VDAC3: variants seen among roughly 807,000 people sequenced by gnomAD.
The protein encoded by VDAC3 is voltage dependent anion channel 3, also known as non-selective voltage-gated ion channel VDAC3.
Under a neutral mutation model 33.9 loss-of-function variants are expected in VDAC3, and 7 were observed. That is an observed-to-expected ratio of 0.21 (90% confidence interval 0.12 to 0.39). VDAC3 has a LOEUF of 0.39. Among genes scored for constraint, VDAC3 ranks in the 10% least tolerant of loss-of-function variants. VDAC3 has a pLI of 1.00. For synonymous variants in VDAC3, 100 were observed against 122.4 expected (o/e 0.82, Z 1.21); for missense variants, 261 against 334.5 (o/e 0.78, Z 1.71).
chr8:42,399,681 A>G lies in VDAC3; in HGVS notation c.301A>G (p.Thr101Ala). 6.2e-7 allele frequency: 1 copy of G among 1,612,084 alleles called. No homozygotes were observed. The highest frequency in any genetic ancestry group is 8.5e-7 in the Non-Finnish European group (1 of 1,178,844). Residue 101 changes from threonine to alanine, a missense_variant, in exon 6 of 10, where the codon ACC becomes GCC. By Grantham distance (58) the Thr-to-Ala change is moderately conservative. Coordinates refer to ENST00000022615, the MANE Select transcript of VDAC3 (RefSeq NM_005662.7). ...LAEGLKLTLD[T>A]IFVPNTGKKS... ...TGAAGGGTTGAAACTGACTCTTGAT[A>G]CCATATTTGTACCGAACACAGGGTA... is the stretch of plus-strand genomic sequence containing the variant.
In VDAC3 at chr8:42,404,919, G is replaced by A. The variant is rs1464372141; in HGVS notation, c.755G>A (p.Arg252Gln). 5.0e-6 allele frequency: 8 copies of A among 1,613,394 alleles called. No individual in the cohort carries two copies. Among genetic ancestry groups the A allele is most frequent in the East Asian group, 4.5e-5 (2 of 44,858 alleles). ...LIGLGYTQTL[R>Q]PGVKLTLSAL... Reference sequence around the variant, plus strand: ...GGACTGGGTTATACTCAGACCCTTCGACCAGGTAAGTAAAGGAATTAGTAA... The same window carrying A: ...GGACTGGGTTATACTCAGACCCTTCAACCAGGTAAGTAAAGGAATTAGTAA... Residue 252 changes from arginine (R) to glutamine (Q), a missense_variant, in exon 9 of 10, where the codon CGA becomes CAA. By Grantham distance (43) the Arg-to-Gln change is conservative (BLOSUM62 1). Transcript: ENST00000022615.
At chr8:42,396,542 A>G (rs1802321190) in intron 4 of VDAC3, 3 of 633,374 alleles carry the variant, frequency 4.7e-6, no homozygotes, top group Admixed American at 2.9e-5. Flanking sequence ...CTGTGTATAT[A>G]GTTCTGTTAA....
intron 3 of VDAC3, 142 bp downstream of exon 3, chr8:42,394,420 C>T: frequency 1.4e-6 from 1 of 705,820 alleles, no homozygotes; most frequent in East Asian, 2.7e-5. Context: ...TATTAACAGG[C>T]TATTAGACCT....
intron 6 of VDAC3, among the ~76,000 whole-genome samples, chr8:42,400,683 T>C (rs1396823415): frequency 7.0e-6 from 1 of 143,444 alleles, no homozygotes. Context: ...CTTTTTTTTT[T>C]TTTTTTTTTT....
chr8:42,403,923 GTTC>G (rs1802457558), intron 8 of VDAC3, among the ~76,000 whole-genome samples: 1 of 151,644 alleles, frequency 6.6e-6, no homozygotes, highest in African/African-American at 2.4e-5. Context: ...GGAAATAGGG[GTTC>G]TTCTAGTCCT....
intron 2 of VDAC3, 43 bp from the exon 3 acceptor site, chr8:42,394,167 T>C: frequency 6.4e-7 from 1 of 1,551,824 alleles, no homozygotes; most frequent in Non-Finnish European, 8.9e-7. Context: ...GAATAAATAC[T>C]AAATGGTTAT....
intron 2 of VDAC3, 49 bp downstream of exon 2, chr8:42,393,933 T>C (rs765732505): frequency 6.6e-6 from 3 of 454,112 alleles, no homozygotes; most frequent in Non-Finnish European, 1.2e-5. Flanking sequence ...ACATAGCATC[T>C]TTTTCATCCT....
Position 42,398,742 on chromosome 8 carries a change from G to T in VDAC3, c.148G>T (p.Asp50Tyr), listed in dbSNP as rs748617160. 1 of 1,613,844 alleles carries T rather than the reference G, an allele frequency of 6.2e-7. No individual in the cohort carries two copies. Among genetic ancestry groups the T allele is most frequent in the Admixed American group, 1.7e-5 (1 of 59,990 alleles). The stretch of plus-strand genomic sequence containing the variant: ...TTCTACTTCTGGTCATGCTTACACT[G>T]ATACAGGGAAAGCATCAGGCAACCT... Reference protein sequence around the residue: ...EFSTSGHAYTDTGKASGNLET... With the variant: ...EFSTSGHAYTYTGKASGNLET... The change falls in exon 5 of 10, where the codon GAT becomes TAT. Residue 50 changes from aspartate (D) to tyrosine (Y), a missense_variant. By Grantham distance (160) the Asp-to-Tyr change is radical. Coordinates refer to ENST00000022615, the MANE Select transcript of VDAC3 (RefSeq NM_005662.7).
intron 4 of VDAC3, among the ~76,000 whole-genome samples, chr8:42,396,183 A>C (rs1025524691): frequency 3.3e-5 from 5 of 152,140 alleles, no homozygotes; most frequent in Non-Finnish European, 7.4e-5. Flanking sequence ...GCATGAACCC[A>C]GGAGGCAGAG....
chr8:42,396,581 G>C, intron 4 of VDAC3: 1 of 664,396 alleles, frequency 1.5e-6, no homozygotes, highest in South Asian at 1.7e-5. Context: ...ATTTTGTGTA[G>C]GTTCCAGAAT....
At chr8:42,403,877 CAAAAAAA>C (rs56769990) in intron 8 of VDAC3, among the ~76,000 whole-genome samples, 1 of 88,798 alleles carries the variant, frequency 1.1e-5, no homozygotes, top group Non-Finnish European at 2.5e-5. Flanking sequence ...GAGCCTATCT[CAAAAAAA>C]AAAAAAAAAA....
At chr8:42,395,254 C>G in intron 4 of VDAC3, 121 bp downstream of exon 4, 1 of 1,443,566 alleles carries the variant, frequency 6.9e-7, no homozygotes, top group Non-Finnish European at 9.3e-7. Context: ...GCTTTGTCCT[C>G]TCAGATTTTA....
intron 5 of VDAC3, among the ~76,000 whole-genome samples, chr8:42,399,178 A>T (rs1458904971): frequency 6.6e-6 from 1 of 152,188 alleles, no homozygotes; most frequent in East Asian, 1.9e-4. Flanking sequence ...TGACAGAAAA[A>T]TTTTTCTAAA....
At chr8:42,401,546 G>A (rs1256485794) in intron 6 of VDAC3, among the ~76,000 whole-genome samples, 1 of 152,188 alleles carries the variant, frequency 6.6e-6, no homozygotes, top group Non-Finnish European at 1.5e-5. Context: ...AAATCATGAA[G>A]TATCCTATCA....
chr8:42,395,466 T>G (rs1398915992), intron 4 of VDAC3, among the ~76,000 whole-genome samples: 5 of 152,262 alleles, frequency 3.3e-5, no homozygotes, highest in African/African-American at 1.2e-4. Context: ...CATGGAAATT[T>G]TATTACCCTT....
rs1385135660 is a variant in VDAC3 at position 42,394,251 on chromosome 8, G to A, written c.40G>A (p.Ala14Thr). 1 of 1,613,478 alleles carries A rather than the reference G, an allele frequency of 6.2e-7. No individual in the cohort carries two copies. Among genetic ancestry groups the A allele is most frequent in the Non-Finnish European group, 8.5e-7 (1 of 1,179,702 alleles). The change falls in exon 3 of 10, where the codon GCT becomes ACT. Residue 14 changes from alanine to threonine, a missense_variant. Physicochemically the swap from Ala to Thr is moderately conservative, Grantham distance 58. Transcript: ENST00000022615. ...TPTYCDLGKA[A>T]KDVFNKGYGF... ...AACGTACTGTGACCTAGGAAAGGCT[G>A]CTAAGGATGTCTTCAACAAAGGATA... is the stretch of plus-strand genomic sequence containing the variant.
Position 42,395,142 on chromosome 8 carries a change from C to T in VDAC3, c.117+9C>T. 1 of 1,613,646 alleles carries T rather than the reference C, an allele frequency of 6.2e-7. No homozygotes were observed. The highest frequency in any genetic ancestry group is 8.5e-7 in the Non-Finnish European group (1 of 1,179,838). On this transcript the variant is annotated intron_variant, in intron 4 of 9. Coordinates refer to ENST00000022615, the MANE Select transcript of VDAC3 (RefSeq NM_005662.7). ...AGTCTTGTAGTGGAGTGGTGAGTATCTAATATATTTTTAATGAATGTAACA... is the reference window on the plus strand; with the variant it reads ...AGTCTTGTAGTGGAGTGGTGAGTATTTAATATATTTTTAATGAATGTAACA...
At position 42,391,936 on chromosome 8, in the gene VDAC3, G is replaced by C. The variant is rs950787080; in HGVS notation, c.-43+8G>C. 6.6e-6 allele frequency: 1 copy of C among 152,374 alleles called. No homozygotes were observed. Among genetic ancestry groups the C allele is most frequent in the East Asian group, 1.9e-4 (1 of 5,200 alleles). 9.4% of individuals were successfully genotyped at this position (152,374 alleles called of 1,614,324 possible). ...CAGGCCCTCGGGGTGGAGGTGAGGAGAGCTGAGGCCGCGCGGGCTCCAGTC... is the reference window on the plus strand; with the variant it reads ...CAGGCCCTCGGGGTGGAGGTGAGGACAGCTGAGGCCGCGCGGGCTCCAGTC... On this transcript the variant is annotated splice_region_variant and intron_variant, in intron 1 of 9. Coordinates refer to ENST00000022615, the MANE Select transcript of VDAC3 (RefSeq NM_005662.7).
chr8:42,405,269 C>A, intron 9 of VDAC3, 102 bp from the exon 10 acceptor site: 4 of 922,966 alleles, frequency 4.3e-6, no homozygotes, highest in Non-Finnish European at 6.8e-6. Context: ...GCTCGTATAC[C>A]CAGCTACAAT....
Sources: gnomAD v4.1 joint callset for allele counts (sites outside exome capture counted in the v4.1 genomes callset) on GRCh38, gnomAD v4.1.1 for gene constraint, MANE v1.5 for transcripts, NCBI Gene and HGNC (gene_info 2026-07-23, HGNC 2026-07-21) for gene names.